DGKD: variants seen among roughly 807,000 people sequenced by gnomAD.
DGKD encodes diacylglycerol kinase delta.
Under a neutral mutation model 154.4 loss-of-function variants are expected in DGKD, and 68 were observed. The observed-to-expected ratio is 0.44, with a 90% CI of 0.36 to 0.54. The LOEUF is 0.54. Ranked by LOEUF, DGKD falls within the 20% of genes least tolerant of loss-of-function variation. The probability of loss-of-function intolerance (pLI) is 0.00; values close to 1 mark genes in which losing one functional copy is unlikely to be tolerated. For synonymous variants in DGKD, 693 were observed against 638.0 expected (o/e 1.09, Z -1.30); for missense variants, 1,343 against 1,593.6 (o/e 0.84, Z 2.68).
chr2:233,406,156 CCTT>C, intron 3 of DGKD, among the ~76,000 whole-genome samples: 1 of 152,264 alleles, frequency 6.6e-6, no homozygotes, highest in East Asian at 1.9e-4. Flanking sequence ...GCCTTTTCTT[CCTT>C]CTTCTGTGTC....
intron 24 of DGKD, among the ~76,000 whole-genome samples, chr2:233,462,017 A>G (rs926667323): frequency 1.3e-5 from 2 of 152,226 alleles, no homozygotes; most frequent in African/African-American, 4.8e-5. Context: ...GCCTTACTGC[A>G]GCAGTCTCTG....
chr2:233,380,980 G>A lies in DGKD; in HGVS notation c.157-7277G>A, dbSNP rs535644357. 2.6e-5 allele frequency among the ~76,000 whole-genome samples: 4 copies of A among 152,286 alleles called. No individual in the cohort carries two copies. The East Asian group carries it at 7.7e-4, about 29-fold the overall frequency. ...TTGAAAACCAGGGTAGTGGCAATGG[G>A]GAAATTGGATTCTCTTGATGGGTAA... On this transcript the variant is annotated intron_variant, in intron 1 of 29. Transcript: ENST00000264057.
At chr2:233,393,553 G>A (rs1436216242) in intron 3 of DGKD, among the ~76,000 whole-genome samples, 1 of 149,480 alleles carries the variant, frequency 6.7e-6, no homozygotes, top group African/African-American at 2.5e-5. Flanking sequence ...GTCTAGGCTG[G>A]TCTTGACCTC....
rs536993844 is a variant in DGKD at position 233,451,222 on chromosome 2, A to T, written c.2167+172A>T. Among the ~76,000 whole-genome samples the T allele has an allele frequency of 9.1e-4, 104 of 113,756 alleles. 1 individual carries two copies. In the Middle Eastern group the frequency reaches 0.013, roughly 15 times the overall value. 74.6% of individuals were successfully genotyped at this position (113,756 alleles called of 152,430 possible). On this transcript the variant is annotated intron_variant, in intron 17 of 29. Transcript: ENST00000264057. ...GAAAAGTGCTTTTTTTTTTTTTTTA[A>T]AAACAAAAAACAAAAAACAAAAGCC...
At chr2:233,427,902 G>A (rs1179381244) in intron 3 of DGKD, among the ~76,000 whole-genome samples, 1 of 152,218 alleles carries the variant, frequency 6.6e-6, no homozygotes, top group South Asian at 2.1e-4. Context: ...CCTGCCACCT[G>A]CCCTGGTGGG....
chr2:233,462,794 C>T (rs2063693008), intron 26 of DGKD, 59 bp downstream of exon 26: 3 of 1,478,152 alleles, frequency 2.0e-6, no homozygotes, highest in African/African-American at 1.4e-5. Context: ...ACTGCTGTCG[C>T]CAGGTTGCTG....
At position 233,471,993 on chromosome 2, in the gene DGKD, C is replaced by T. The variant is rs1489326244; in HGVS notation, c.*2533C>T. 2 of 152,316 alleles carry T rather than the reference C, an allele frequency of 1.3e-5. No homozygotes were observed. The highest frequency in any genetic ancestry group is 6.5e-5 in the Admixed American group (1 of 15,280). The allele number at this position is 152,316 out of a possible 1,614,324, so 9.4% of individuals were successfully genotyped here. ...TAATCTTAATTTATATAGTGACCAC[C>T]GTGGAAACAAACGCCTCTTGTATTG... On this transcript the variant is annotated 3_prime_UTR_variant, in exon 30 of 30. Coordinates refer to ENST00000264057, the MANE Select transcript of DGKD (RefSeq NM_152879.3).
In DGKD at chr2:233,460,225, A is replaced by G. The variant is rs2063583224; in HGVS notation, c.2861A>G (p.Asp954Gly). ...GAGAGCACCCTGAAGTCCTGGGAAGACAAGCAGAAGTGCGAGCTGCCCCGC... is the reference window on the plus strand; with the variant it reads ...GAGAGCACCCTGAAGTCCTGGGAAGGCAAGCAGAAGTGCGAGCTGCCCCGC... ...AFESTLKSWE[D>G]KQKCELPRPP... Residue 954 changes from aspartate to glycine, a missense_variant, in exon 24 of 30, where the codon GAC (aspartate) becomes GGC (glycine). Asp to Gly is a moderately conservative substitution (Grantham distance 94, BLOSUM62 -1). Around this residue, in one of 6 missense-constraint regions of DGKD, gnomAD observed 429 missense variants for 496.3 expected, o/e 0.86. Transcript: ENST00000264057. 1.2e-6 allele frequency: 2 copies of G among 1,613,924 alleles called. No homozygotes were observed. The highest frequency in any genetic ancestry group is 1.7e-6 in the Non-Finnish European group (2 of 1,179,968).
Position 233,458,506 on chromosome 2 carries a change from G to A in DGKD, c.2694+109G>A. 1.3e-6 allele frequency: 1 copy of A among 772,200 alleles called. No homozygotes were observed. Among genetic ancestry groups the A allele is most frequent in the South Asian group, 1.7e-5 (1 of 60,148 alleles). The allele number at this position is 772,200 out of a possible 1,614,324, so 47.8% of individuals were successfully genotyped here. On this transcript the variant is annotated intron_variant, in intron 22 of 29. Transcript: ENST00000264057. The surrounding 1 kb of genome is among the most constrained non-coding windows in gnomAD (Gnocchi z 6.6). ...GGGTGGGCGCTTTCCAGGGCCATGT[G>A]GCTGCCTCATGTCCTGTCCTGGACA...
chr2:233,436,089 G>A (rs963635800), intron 6 of DGKD, among the ~76,000 whole-genome samples, 165 bp downstream of exon 6: 5 of 152,144 alleles, frequency 3.3e-5, no homozygotes, highest in African/African-American at 9.7e-5. Context: ...TGTGGTTGTC[G>A]CACCCCCGAG....
chr2:233,356,383 A>T (rs187737691), intron 1 of DGKD, among the ~76,000 whole-genome samples: 126 of 152,226 alleles, frequency 8.3e-4, no homozygotes, highest in African/African-American at 2.9e-3. Context: ...TGTTCAAAGT[A>T]TGGGGGTGAT....
intron 3 of DGKD, among the ~76,000 whole-genome samples, chr2:233,420,091 C>T (rs1277756541): frequency 6.6e-6 from 1 of 152,080 alleles, no homozygotes; most frequent in African/African-American, 2.4e-5. Context: ...GCGTGGCAGT[C>T]GGCAGGGGCC....
At chr2:233,393,328 T>A (rs1198264851) in intron 3 of DGKD, among the ~76,000 whole-genome samples, 1 of 120,970 alleles carries the variant, frequency 8.3e-6, no homozygotes, top group African/African-American at 3.3e-5. Flanking sequence ...ACGCCTGGCC[T>A]GTTTCCTTTT....
intron 10 of DGKD, chr2:233,442,592 T>C (rs1575129818): frequency 5.8e-6 from 1 of 171,840 alleles, no homozygotes; most frequent in East Asian, 1.4e-4. Flanking sequence ...CTGTTACTGC[T>C]TTTGTTGTTG....
intron 3 of DGKD, among the ~76,000 whole-genome samples, chr2:233,412,610 G>A (rs1295492294): frequency 6.6e-6 from 1 of 152,116 alleles, no homozygotes; most frequent in African/African-American, 2.4e-5. Context: ...CATTGCAAAG[G>A]CTAAGATTCC....
chr2:233,363,898 T>A (rs1701902234), intron 1 of DGKD, among the ~76,000 whole-genome samples: 1 of 152,200 alleles, frequency 6.6e-6, no homozygotes, highest in Admixed American at 6.5e-5. Context: ...GAAAGTACAC[T>A]CTGTGATGTT....
At position 233,388,366 on chromosome 2, in the gene DGKD, AG is replaced by A; in HGVS notation, c.267+1del. ...ACGCTTTACTATGCCAAAACGGCAA[AG>A]GTGAGGCCCCATGCAGGAAAGCACA... ...GRTLYYAKTA[K>X]SIIFDEVDLT... is the part of the protein sequence containing the mutation. On this transcript the variant is annotated frameshift_variant and splice_region_variant, in exon 2 of 30. Coordinates refer to ENST00000264057, the MANE Select transcript of DGKD (RefSeq NM_152879.3). LOFTEE classifies it high-confidence loss of function. 1 of 1,612,144 alleles carries A rather than the reference AG, an allele frequency of 6.2e-7. No homozygotes were observed.
At chr2:233,442,241 A>G (rs1371728873) in intron 10 of DGKD, 8 of 628,344 alleles carry the variant, frequency 1.3e-5, no homozygotes, top group Non-Finnish European at 2.4e-5. Flanking sequence ...GGAGCTACGA[A>G]AAGAATTGCC....
chr2:233,374,967 C>T (rs750935913), intron 1 of DGKD, among the ~76,000 whole-genome samples: 1 of 152,212 alleles, frequency 6.6e-6, no homozygotes, highest in Non-Finnish European at 1.5e-5. Context: ...CCATGCCCAG[C>T]CCCACTTTTC....
Sources: allele counts gnomAD v4.1 joint callset (sites outside exome capture counted in the v4.1 genomes callset), GRCh38; gene constraint gnomAD v4.1.1; regional missense constraint gnomAD v4.1.1; non-coding constraint Gnocchi (gnomAD v3.1); transcripts MANE v1.5; gene names NCBI Gene and HGNC (gene_info 2026-07-23, HGNC 2026-07-21).